The following SMAD7 variants were observed in gnomAD, a reference collection of about 807,000 sequenced individuals.
SMAD7 encodes the protein MAD (mothers against decapentaplegic, Drosophila) homolog 7.
SMAD7 carries 8 observed loss-of-function variants against 38.7 expected under a neutral mutation model. The observed-to-expected ratio is 0.21, with a 90% confidence interval of 0.12 to 0.37. The LOEUF is 0.37. Ranked by LOEUF, SMAD7 falls within the 10% of genes least tolerant of loss-of-function variation. The pLI is 1.00. For synonymous variants in SMAD7, 327 were observed against 265.1 expected (o/e 1.23, Z -2.27); for missense variants, 477 against 577.9 (o/e 0.83, Z 1.79).
chr18:48,932,309 A>C (rs1191701718), intron 3 of SMAD7, among the ~76,000 whole-genome samples: 1 of 152,206 alleles, frequency 6.6e-6, no homozygotes, highest in East Asian at 1.9e-4. Flanking sequence ...GCAGACAGCT[A>C]ATCTGCCAAC....
intron 3 of SMAD7, among the ~76,000 whole-genome samples, chr18:48,931,256 T>C (rs1366697288): frequency 6.6e-6 from 1 of 152,160 alleles, no homozygotes; most frequent in Non-Finnish European, 1.5e-5. Context: ...AATAGCACAA[T>C]ATGAATGTAC....
Position 48,921,672 on chromosome 18 carries a change from C to T in SMAD7, c.981G>A (p.Val327=), listed in dbSNP as rs1343656918. ...IGCGIQLTRE[V]DGVWVYNRSS... ...TGCGGTTGTACACCCACACACCATC[C>T]ACCTCCCGCGTCAGCTGGATGCCGC... The change falls in exon 4 of 4, where the codon GTG becomes GTA. Residue 327 remains valine, a synonymous_variant. Transcript: ENST00000262158. The surrounding 1 kb of genome is among the most constrained non-coding windows in gnomAD (Gnocchi z 6.4). 3.1e-6 allele frequency: 5 copies of T among 1,612,682 alleles called. No individual in the cohort carries two copies. The highest frequency in any genetic ancestry group is 4.2e-6 in the Non-Finnish European group (5 of 1,179,390).
intron 3 of SMAD7, among the ~76,000 whole-genome samples, chr18:48,926,532 T>C (rs965629464): frequency 3.3e-5 from 5 of 152,232 alleles, no homozygotes; most frequent in African/African-American, 9.6e-5. Context: ...CCCTCCTCCA[T>C]GGTCCAGCAG....
At chr18:48,928,438 C>T (rs2069954367) in intron 3 of SMAD7, among the ~76,000 whole-genome samples, 1 of 151,302 alleles carries the variant, frequency 6.6e-6, no homozygotes, top group Non-Finnish European at 1.5e-5. Context: ...GTGTCCATCT[C>T]TAAACCAACT....
At chr18:48,925,993 G>A (rs9950471) in intron 3 of SMAD7, among the ~76,000 whole-genome samples, 2,203 of 152,322 alleles carry the variant, frequency 0.014, 58 homozygotes, top group African/African-American at 0.051. Flanking sequence ...TGATCCGCCA[G>A]CCTCAGCCTC....
intron 2 of SMAD7, among the ~76,000 whole-genome samples, chr18:48,946,701 G>C (rs1280808528): frequency 1.3e-5 from 2 of 152,066 alleles, no homozygotes; most frequent in African/African-American, 4.8e-5. Context: ...TGGCTTCTCT[G>C]TTTACACACA....
At chr18:48,944,186 A>C (rs914260582) in intron 2 of SMAD7, among the ~76,000 whole-genome samples, 3 of 152,168 alleles carry the variant, frequency 2.0e-5, no homozygotes, top group Non-Finnish European at 2.9e-5. Flanking sequence ...TTCTAGAGAT[A>C]GGCTTCTCAA....
chr18:48,935,729 C>A (rs911798504), intron 3 of SMAD7, among the ~76,000 whole-genome samples: 3 of 152,050 alleles, frequency 2.0e-5, no homozygotes, highest in East Asian at 3.9e-4. Flanking sequence ...CTGGAACCCA[C>A]GAAGAAAAAA....
intron 3 of SMAD7, among the ~76,000 whole-genome samples, chr18:48,929,607 A>G (rs2069972179): frequency 6.6e-6 from 1 of 151,234 alleles, no homozygotes; most frequent in Non-Finnish European, 1.5e-5. Context: ...ACGTTAAAGC[A>G]TCATGAAAAT....
intron 2 of SMAD7, 43 bp from the exon 3 acceptor site, chr18:48,942,598 T>C (rs772493653): frequency 1.2e-6 from 2 of 1,612,838 alleles, no homozygotes; most frequent in South Asian, 2.2e-5. Context: ...AATACACAAA[T>C]AAAAACACCA....
rs1325223642 is a variant in SMAD7 at position 48,921,532 on chromosome 18, G to A, written c.1121C>T (p.Ala374Val). The A allele has an allele frequency of 8.1e-6, 13 of 1,614,104 alleles. No homozygotes were observed. Among genetic ancestry groups the A allele is most frequent in the Admixed American group, 1.7e-5 (1 of 60,008 alleles). Residue 374 changes from alanine to valine, a missense_variant, in exon 4 of 4, where the codon GCG becomes GTG. Physicochemically the swap from Ala to Val is moderately conservative, Grantham distance 64. Transcript: ENST00000262158. The surrounding 1 kb of genome is among the most constrained non-coding windows in gnomAD (Gnocchi z 6.4). ...GTCATTGGGCCGCTGCAGGCTGTAC[G>A]CCTTCTCGTAGTCGAAAGCCTTGAT... ...FSIKAFDYEK[A>V]YSLQRPNDHE...
At chr18:48,934,273 G>T (rs1599227072) in intron 3 of SMAD7, among the ~76,000 whole-genome samples, 1 of 152,050 alleles carries the variant, frequency 6.6e-6, no homozygotes, top group Non-Finnish European at 1.5e-5. Context: ...TAGCACCCTA[G>T]AAATAGTCTC....
intron 3 of SMAD7, among the ~76,000 whole-genome samples, chr18:48,933,359 C>T (rs1316822667): frequency 6.6e-6 from 1 of 152,212 alleles, no homozygotes; most frequent in Non-Finnish European, 1.5e-5. Context: ...CCCCCTCCCG[C>T]CGGCTCCATC....
chr18:48,929,569 TCA>T (rs1555716118), intron 3 of SMAD7, among the ~76,000 whole-genome samples: 37 of 114,576 alleles, frequency 3.2e-4, no homozygotes, highest in Middle Eastern at 4.7e-3. Flanking sequence ...TCTCTCTCTC[TCA>T]CTCACACACA....
rs1420673474 is a variant in SMAD7 at position 48,921,514 on chromosome 18, G to A, written c.1139C>T (p.Pro380Leu). 3 of 1,614,218 alleles carry A rather than the reference G, an allele frequency of 1.9e-6. No individual in the cohort carries two copies. Among genetic ancestry groups the A allele is most frequent in the East Asian group, 2.2e-5 (1 of 44,886 alleles). Residue 380 changes from proline (P) to leucine (L), a missense_variant, in exon 4 of 4, where the codon CCC becomes CTC. By Grantham distance (98) the Pro-to-Leu change is moderately conservative (BLOSUM62 -3). Transcript: ENST00000262158. The surrounding 1 kb of genome is among the most constrained non-coding windows in gnomAD (Gnocchi z 6.4). ...CTGCTGCATAAACTCGTGGTCATTG[G>A]GCCGCTGCAGGCTGTACGCCTTCTC... is the stretch of plus-strand genomic sequence containing the variant. Reference protein sequence around the residue: ...DYEKAYSLQRPNDHEFMQQPW... With the variant: ...DYEKAYSLQRLNDHEFMQQPW...
rs1217004478 is a variant in SMAD7 at position 48,919,992 on chromosome 18, A to ATT, written c.*1378_*1379dup. 2.0e-5 allele frequency: 3 copies of ATT among 152,648 alleles called. No individual in the cohort carries two copies. The highest frequency in any genetic ancestry group is 4.4e-5 in the Non-Finnish European group (3 of 68,040). 9.5% of individuals were successfully genotyped at this position (152,648 alleles called of 1,614,324 possible). ...TTTGGCATTTGTTATTTGCATTTAT[A>ATT]TTAAAGCAAAGTGCATCTTTTCTTT... On this transcript the variant is annotated 3_prime_UTR_variant, in exon 4 of 4. Transcript: ENST00000262158.
intron 1 of SMAD7, among the ~76,000 whole-genome samples, chr18:48,949,540 C>A (rs1210366502): frequency 6.6e-6 from 1 of 152,116 alleles, no homozygotes; most frequent in African/African-American, 2.4e-5. Flanking sequence ...AGGAGCAGTG[C>A]CCGTAGACCC....
intron 3 of SMAD7, among the ~76,000 whole-genome samples, chr18:48,929,211 C>T (rs2069963531): frequency 6.6e-6 from 1 of 152,188 alleles, no homozygotes; most frequent in South Asian, 2.1e-4. Context: ...ACTGTTACCC[C>T]CCAAGTAACT....
chr18:48,933,335 ACTCCTAGTCAATCCCCCCTCCCGCCGG>A (rs1222052493), intron 3 of SMAD7, among the ~76,000 whole-genome samples: 1 of 151,666 alleles, frequency 6.6e-6, no homozygotes. Flanking sequence ...GGTAGAGGCA[ACTCCTAGTCAATCCCCCCTCCCGCCGG>A]CTCCATCCCC....
Sources: allele counts gnomAD v4.1 joint callset (sites outside exome capture counted in the v4.1 genomes callset), GRCh38; gene constraint gnomAD v4.1.1; non-coding constraint Gnocchi (gnomAD v3.1); transcripts MANE v1.5; gene names NCBI Gene and HGNC (gene_info 2026-07-23, HGNC 2026-07-21).